FHIT: variants seen among roughly 807,000 people sequenced by gnomAD.
FHIT encodes the protein fragile histidine triad diadenosine triphosphatase, also known as bis(5'-adenosyl)-triphosphatase.
FHIT carries 19 observed loss-of-function variants against 17.9 expected under a neutral mutation model. The ratio of observed to expected loss-of-function variants is 1.06; its 90% confidence interval spans 0.74 to 1.56. The LOEUF is 1.56. Among genes scored for constraint, FHIT ranks in the 40% most tolerant of loss-of-function variants. FHIT has a pLI of 0.00. For synonymous variants in FHIT, 81 were observed against 69.7 expected, an observed-to-expected ratio of 1.16 and a Z score of -0.81; for missense variants, 248 against 189.2, an observed-to-expected ratio of 1.31 and a Z score of -1.82.
intron 5 of FHIT, among the ~76,000 whole-genome samples, chr3:60,472,121 G>C (rs534843774): frequency 2.3e-5 from 3 of 129,318 alleles, no homozygotes; most frequent in African/African-American, 8.9e-5. Context: ...TCCACGTAAC[G>C]TAACTGCACT....
chr3:60,056,409 A>G lies in FHIT; in HGVS notation c.104-42257T>C, dbSNP rs554842500. ...AATAAAATGCTCCTTTTGTTTTGCT[A>G]TTTGCACCACCCTGTCCCGATTCTA... On this transcript the variant is annotated intron_variant, in intron 5 of 9. Transcript: ENST00000492590. 7.9e-5 allele frequency among the ~76,000 whole-genome samples: 12 copies of G among 152,286 alleles called. No homozygotes were observed. In the South Asian group the frequency reaches 2.5e-3, roughly 32 times the overall value.
chr3:59,901,968 T>C (rs1704348928), intron 8 of FHIT, among the ~76,000 whole-genome samples: 1 of 152,080 alleles, frequency 6.6e-6, no homozygotes, highest in Admixed American at 6.6e-5. Flanking sequence ...AAAAAGAAGT[T>C]TGTGAAGAGC....
At chr3:59,899,686 C>T (rs9851678) in intron 8 of FHIT, among the ~76,000 whole-genome samples, 1 of 141,800 alleles carries the variant, frequency 7.1e-6, no homozygotes. Flanking sequence ...TACAAAAAAA[C>T]AAAAAAAAAA....
intron 5 of FHIT, among the ~76,000 whole-genome samples, chr3:60,163,730 T>C (rs1166246259): frequency 6.6e-6 from 1 of 152,126 alleles, no homozygotes; most frequent in African/African-American, 2.4e-5. Context: ...GCACCGAGCA[T>C]CATGGAAAGT....
intron 8 of FHIT, among the ~76,000 whole-genome samples, chr3:59,776,106 A>G (rs1310830595): frequency 2.0e-5 from 3 of 152,222 alleles, no homozygotes; most frequent in African/African-American, 7.2e-5. Flanking sequence ...AATGAGCCTG[A>G]AAACTGTATT....
intron 5 of FHIT, among the ~76,000 whole-genome samples, chr3:60,338,517 T>C (rs1392702145): frequency 6.6e-6 from 1 of 152,220 alleles, no homozygotes; most frequent in Non-Finnish European, 1.5e-5. Context: ...TTTATTTACA[T>C]CCATAGTATA....
chr3:60,356,767 A>AAC (rs1337180884), intron 5 of FHIT, among the ~76,000 whole-genome samples: 1 of 143,720 alleles, frequency 7.0e-6, no homozygotes, highest in African/African-American at 2.9e-5. Flanking sequence ...AAAAAAAAAA[A>AAC]AAAAAAAAAA....
chr3:61,054,126 A>G (rs2034130008), intron 2 of FHIT, among the ~76,000 whole-genome samples: 1 of 152,176 alleles, frequency 6.6e-6, no homozygotes, highest in African/African-American at 2.4e-5. Flanking sequence ...TAAGAAATGA[A>G]GTCTTCATGG....
intron 7 of FHIT, among the ~76,000 whole-genome samples, chr3:59,990,799 A>G (rs1157948327): frequency 3.3e-5 from 5 of 152,090 alleles, no homozygotes; most frequent in African/African-American, 1.2e-4. Context: ...ATCTACTGGC[A>G]TTTTAGAACA....
chr3:59,971,754 TG>T (rs781669870), intron 7 of FHIT, among the ~76,000 whole-genome samples: 3 of 152,132 alleles, frequency 2.0e-5, no homozygotes, highest in East Asian at 3.9e-4. Flanking sequence ...TGTATGACCT[TG>T]GGCAAGATAC....
intron 3 of FHIT, among the ~76,000 whole-genome samples, chr3:61,022,807 A>C (rs1413673694): frequency 6.6e-6 from 1 of 152,228 alleles, no homozygotes; most frequent in Non-Finnish European, 1.5e-5. Context: ...CTTCATGCTA[A>C]AAACGCTCAA....
intron 7 of FHIT, among the ~76,000 whole-genome samples, chr3:59,956,084 T>G (rs1707378889): frequency 1.3e-5 from 2 of 152,228 alleles, no homozygotes; most frequent in South Asian, 4.1e-4. Context: ...TTTGGCTGCA[T>G]TTCTACTTGC....
Position 59,748,123 on chromosome 3 carries a change from TC to T in FHIT, c.*1461del, listed in dbSNP as rs1455744006. Among the ~76,000 whole-genome samples the T allele has an allele frequency of 6.6e-6, 1 of 152,168 alleles. No homozygotes were observed. Among genetic ancestry groups the T allele is most frequent in the Non-Finnish European group, 1.5e-5 (1 of 68,030 alleles). On this transcript the variant is annotated 3_prime_UTR_variant, in exon 10 of 10. Transcript: ENST00000492590. ...GCAAGCAACTATGCAGAGCTGGAAA[TC>T]ATCAGCATTGTTTTTCTCTTATGTT...
At chr3:60,896,148 C>G (rs941309685) in intron 3 of FHIT, among the ~76,000 whole-genome samples, 1 of 152,148 alleles carries the variant, frequency 6.6e-6, no homozygotes, top group Non-Finnish European at 1.5e-5. Context: ...TTAGATGGAA[C>G]AGTTTCATCC....
chr3:60,009,254 A>G (rs929456757), intron 7 of FHIT, among the ~76,000 whole-genome samples: 8 of 147,888 alleles, frequency 5.4e-5, no homozygotes, highest in African/African-American at 2.0e-4. Context: ...TATAACCACC[A>G]TATTCTACAA....
At chr3:60,688,139 A>C in intron 4 of FHIT, among the ~76,000 whole-genome samples, 1 of 152,174 alleles carries the variant, frequency 6.6e-6, no homozygotes, top group East Asian at 1.9e-4. Context: ...AGACTAGTTT[A>C]ATAAACATTT....
At chr3:60,629,329 G>T (rs1490583916) in intron 4 of FHIT, among the ~76,000 whole-genome samples, 1 of 152,120 alleles carries the variant, frequency 6.6e-6, no homozygotes, top group Non-Finnish European at 1.5e-5. Flanking sequence ...CATGTTCTTA[G>T]GGAGATTCTT....
chr3:60,437,063 C>T (rs892475820), intron 5 of FHIT, among the ~76,000 whole-genome samples: 5 of 152,060 alleles, frequency 3.3e-5, no homozygotes, highest in African/African-American at 1.2e-4. Flanking sequence ...TCAATCTCTT[C>T]CCCCTGTTCA....
At chr3:61,148,078 CAA>C (rs1393165198) in intron 2 of FHIT, among the ~76,000 whole-genome samples, 1 of 150,668 alleles carries the variant, frequency 6.6e-6, no homozygotes, top group Non-Finnish European at 1.5e-5. Context: ...TATGCCCAGA[CAA>C]AAGACTGGAA....
Sources: allele counts gnomAD v4.1 joint callset (sites outside exome capture counted in the v4.1 genomes callset), GRCh38; gene constraint gnomAD v4.1.1; transcripts MANE v1.5; gene names NCBI Gene and HGNC (gene_info 2026-07-23, HGNC 2026-07-21).